The following CALN1 variants were observed in gnomAD, a reference collection of about 807,000 sequenced individuals.
CALN1 encodes the protein calcium-binding protein 8.
In CALN1, 17 loss-of-function variants were observed where a neutral mutation model predicts 30.6. The observed-to-expected ratio is 0.56, with a 90% CI of 0.38 to 0.83. The LOEUF (loss-of-function observed/expected upper bound fraction) is 0.83. CALN1 is among the 40% of genes least tolerant of loss of function. The pLI is 0.00. For synonymous variants in CALN1, 156 were observed against 131.4 expected (o/e 1.19, Z -1.28); for missense variants, 291 against 354.9 (o/e 0.82, Z 1.45).
intron 4 of CALN1, among the ~76,000 whole-genome samples, chr7:72,031,982 A>T (rs1433941404): frequency 6.8e-6 from 1 of 146,964 alleles, no homozygotes; most frequent in Non-Finnish European, 1.5e-5. Context: ...ACTTCAGGTG[A>T]TCCGTCCGCC....
chr7:72,103,610 A>C (rs1206969135), intron 4 of CALN1, among the ~76,000 whole-genome samples: 5 of 152,142 alleles, frequency 3.3e-5, no homozygotes, highest in Non-Finnish European at 7.3e-5. Context: ...GTTGGGTAGA[A>C]AACAGGGTGC....
chr7:71,792,524 T>C (rs924123857), intron 6 of CALN1, among the ~76,000 whole-genome samples: 6 of 152,168 alleles, frequency 3.9e-5, no homozygotes, highest in Non-Finnish European at 7.3e-5. Context: ...CTCAGAATCT[T>C]ACAAGTTCTT....
chr7:72,141,023 T>C (rs1375975613), intron 3 of CALN1, among the ~76,000 whole-genome samples: 2 of 152,198 alleles, frequency 1.3e-5, no homozygotes, highest in Non-Finnish European at 2.9e-5. Flanking sequence ...ACTCAAGCTA[T>C]AGCAACTCCA....
At chr7:72,045,475 G>A (rs185928401) in intron 4 of CALN1, among the ~76,000 whole-genome samples, 4 of 152,302 alleles carry the variant, frequency 2.6e-5, no homozygotes, top group Middle Eastern at 3.4e-3. Flanking sequence ...GCACCTGCAA[G>A]TAATGCAATG....
intron 2 of CALN1, among the ~76,000 whole-genome samples, chr7:72,335,524 C>T (rs1410198671): frequency 6.6e-6 from 1 of 152,180 alleles, no homozygotes; most frequent in African/African-American, 2.4e-5. Flanking sequence ...CACCACTAAA[C>T]AGACTTCCCA....
chr7:72,388,436 T>G (rs1167440692), intron 2 of CALN1, among the ~76,000 whole-genome samples: 2 of 152,014 alleles, frequency 1.3e-5, no homozygotes, highest in Non-Finnish European at 2.9e-5. Context: ...AAAAGGACAT[T>G]AAGTACAAAC....
chr7:72,368,660 T>C (rs1015444342), intron 2 of CALN1, among the ~76,000 whole-genome samples: 24 of 152,190 alleles, frequency 1.6e-4, no homozygotes, highest in African/African-American at 5.5e-4. Context: ...CTGAAAGTGA[T>C]TGATACGCTT....
intron 2 of CALN1, among the ~76,000 whole-genome samples, chr7:72,375,503 C>T (rs368623618): frequency 6.7e-6 from 1 of 149,634 alleles, no homozygotes; most frequent in East Asian, 2.0e-4. Flanking sequence ...GAGGTCGAGG[C>T]TGCAGTGAGC....
At chr7:72,384,628 A>G (rs1450057949) in intron 2 of CALN1, among the ~76,000 whole-genome samples, 5 of 152,040 alleles carry the variant, frequency 3.3e-5, no homozygotes, top group Non-Finnish European at 2.9e-5. Context: ...TGGGCAACAT[A>G]GTGAGACCCC....
At chr7:72,338,509 GTGTGTGTGTGTGTGTGTGTC>G (rs1441519003) in intron 2 of CALN1, among the ~76,000 whole-genome samples, 1 of 147,438 alleles carries the variant, frequency 6.8e-6, no homozygotes, top group African/African-American at 2.6e-5. Flanking sequence ...GTGTGTGTGT[GTGTGTGTGTGTGTGTGTGTC>G]TCACCTGGGT....
At chr7:72,136,713 A>T (rs1809537373) in intron 3 of CALN1, among the ~76,000 whole-genome samples, 1 of 152,054 alleles carries the variant, frequency 6.6e-6, no homozygotes, top group Non-Finnish European at 1.5e-5. Context: ...GAGACATGAG[A>T]CTCTTCCTTT....
chr7:72,015,508 T>C (rs1219774821), intron 5 of CALN1, among the ~76,000 whole-genome samples: 2 of 151,840 alleles, frequency 1.3e-5, no homozygotes, highest in Admixed American at 1.3e-4. Flanking sequence ...GGTGCAATCA[T>C]GGCTCACTGC....
intron 3 of CALN1, among the ~76,000 whole-genome samples, chr7:72,162,201 A>G (rs1045800972): frequency 6.6e-6 from 1 of 151,932 alleles, no homozygotes; most frequent in Non-Finnish European, 1.5e-5. Context: ...GAGTCACATA[A>G]TCTATTACCT....
In CALN1 at chr7:72,438,681, C is replaced by A. The variant is rs1299900658; in HGVS notation, c.-226+8361G>T. On this transcript the variant is annotated intron_variant, in intron 1 of 6. Transcript: ENST00000395276. The stretch of plus-strand genomic sequence containing the variant: ...ACTCCAGGAACCTGGCTGGCTGCCT[C>A]CTACTTTCTAACTCCGAGGGACACT... 2.6e-5 allele frequency among the ~76,000 whole-genome samples: 4 copies of A among 152,194 alleles called. No homozygotes were observed. In the East Asian group the frequency reaches 5.8e-4, roughly 22 times the overall value.
At chr7:72,469,177 G>T in the CALN1 span, among the ~76,000 whole-genome samples, 1 of 152,078 alleles carries the variant, frequency 6.6e-6, no homozygotes, top group African/African-American at 2.4e-5. Context: ...TCTTCTAAGG[G>T]TTTAATGGGT....
intron 5 of CALN1, among the ~76,000 whole-genome samples, chr7:71,988,452 C>A (rs1798789430): frequency 6.6e-6 from 1 of 152,130 alleles, no homozygotes; most frequent in African/African-American, 2.4e-5. Context: ...GTGCCCCAAG[C>A]CCACAGTCAT....
At chr7:72,056,617 CA>C (rs141484018) in intron 4 of CALN1, among the ~76,000 whole-genome samples, 1,710 of 151,758 alleles carry the variant, frequency 0.011, 32 homozygotes, top group African/African-American at 0.039. Context: ...AAAGGAATAA[CA>C]AAAAAATAGA....
chr7:72,159,173 A>G (rs1787928799), intron 3 of CALN1, among the ~76,000 whole-genome samples: 1 of 152,142 alleles, frequency 6.6e-6, no homozygotes, highest in Non-Finnish European at 1.5e-5. Flanking sequence ...AGATTTTTAA[A>G]GAAACAAACA....
intron 2 of CALN1, among the ~76,000 whole-genome samples, chr7:72,279,630 A>C (rs1797597564): frequency 6.6e-6 from 1 of 152,218 alleles, no homozygotes; most frequent in Non-Finnish European, 1.5e-5. Flanking sequence ...AGGCTACGGA[A>C]AAAAGAGATG....
Sources: allele counts gnomAD v4.1 joint callset (sites outside exome capture counted in the v4.1 genomes callset), GRCh38; gene constraint gnomAD v4.1.1; transcripts MANE v1.5; gene names NCBI Gene and HGNC (gene_info 2026-07-23, HGNC 2026-07-21).